Variants in TEX261 observed in about 807,000 individuals in gnomAD.
The protein encoded by TEX261 is protein TEX261.
TEX261 carries 13 observed loss-of-function variants against 25.1 expected under a neutral mutation model. That is an observed-to-expected ratio of 0.52 (90% confidence interval 0.34 to 0.82). The LOEUF (loss-of-function observed/expected upper bound fraction) is 0.82, where lower values mean the gene tolerates loss of function less well. Ranked by LOEUF, TEX261 falls within the 40% of genes least tolerant of loss-of-function variation. TEX261 has a pLI of 0.02. For synonymous variants in TEX261, 92 were observed against 97.8 expected (o/e 0.94, Z 0.35); for missense variants, 206 against 243.2 (o/e 0.85, Z 1.02).
At chr2:70,994,361 G>A in intron 1 of TEX261, 1 of 468,400 alleles carries the variant, frequency 2.1e-6, no homozygotes, top group Non-Finnish European at 3.8e-6. Flanking sequence ...GCGGCGGTAG[G>A]CGTTGGGGAA....
intron 4 of TEX261, 137 bp from the exon 5 acceptor site, chr2:70,989,154 G>A: frequency 1.4e-6 from 1 of 709,836 alleles, no homozygotes; most frequent in Non-Finnish European, 2.5e-6. Flanking sequence ...GGGAAGCAGG[G>A]AACGCCACCC....
At chr2:70,990,627 T>C (rs4852736) in intron 3 of TEX261, among the ~76,000 whole-genome samples, 60,192 of 152,016 alleles carry the variant, frequency 0.4, 13,655 homozygotes, top group African/African-American at 0.62. Flanking sequence ...ACAGCAATTC[T>C]CATGTCTCCT....
chr2:70,986,840 C>A lies in TEX261; in HGVS notation c.*1760G>T, dbSNP rs1670195689. 6.6e-6 allele frequency: 1 copy of A among 152,044 alleles called. No individual in the cohort carries two copies. Among genetic ancestry groups the A allele is most frequent in the African/African-American group, 2.4e-5 (1 of 41,350 alleles). 9.4% of individuals were successfully genotyped at this position (152,044 alleles called of 1,614,324 possible). The stretch of plus-strand genomic sequence containing the variant: ...AGATGGATGGGCTTCCCTAGGGAGC[C>A]CACAGCAGAACCCTGAAAGACCCTA... On this transcript the variant is annotated 3_prime_UTR_variant, in exon 6 of 6. Coordinates refer to ENST00000272438, the MANE Select transcript of TEX261 (RefSeq NM_144582.3).
At chr2:70,989,120 G>A in intron 4 of TEX261, 103 bp from the exon 5 acceptor site, 1 of 942,904 alleles carries the variant, frequency 1.1e-6, no homozygotes, top group Non-Finnish European at 1.7e-6. Context: ...GGCCACACCT[G>A]ATCTCCAAAG....
intron 3 of TEX261, among the ~76,000 whole-genome samples, chr2:70,990,629 A>C (rs1670284359): frequency 6.6e-6 from 1 of 152,134 alleles, no homozygotes. Context: ...AGCAATTCTC[A>C]TGTCTCCTTT....
At chr2:70,993,930 G>A (rs782670055) in intron 1 of TEX261, among the ~76,000 whole-genome samples, 155 bp from the exon 2 acceptor site, 7 of 152,168 alleles carry the variant, frequency 4.6e-5, no homozygotes, top group Non-Finnish European at 7.4e-5. Flanking sequence ...CAAGTCTGGA[G>A]AAGTAAAACT....
chr2:70,987,552 G>T lies in TEX261; in HGVS notation c.*1048C>A, dbSNP rs1160441275. 6.6e-6 allele frequency: 1 copy of T among 152,612 alleles called. No homozygotes were observed. The highest frequency in any genetic ancestry group is 1.5e-5 in the Non-Finnish European group (1 of 68,042). The allele number at this position is 152,612 out of a possible 1,614,324, so 9.5% of individuals were successfully genotyped here. A position where few individuals can be genotyped will look rare whatever the true frequency, so the allele number is the denominator to read the frequency against. On this transcript the variant is annotated 3_prime_UTR_variant, in exon 6 of 6. Coordinates refer to ENST00000272438, the MANE Select transcript of TEX261 (RefSeq NM_144582.3). Reference sequence around the variant, plus strand: ...TTGGAGTGCAAGGTCAACAAATGCAGGTCTGTGCCCAAGACCTGGCCTGCC... The same window carrying T: ...TTGGAGTGCAAGGTCAACAAATGCATGTCTGTGCCCAAGACCTGGCCTGCC...
intron 2 of TEX261, among the ~76,000 whole-genome samples, chr2:70,993,068 C>G (rs13429399): frequency 0.037 from 5,676 of 152,148 alleles, 137 homozygotes; most frequent in Non-Finnish European, 0.056. Flanking sequence ...CCAGAGTGCA[C>G]ATGGCTGCTG....
rs1419506554 is a variant in TEX261 at position 70,986,121 on chromosome 2, G to C, written c.*2479C>G. The C allele has an allele frequency of 6.6e-6, 1 of 152,302 alleles. No homozygotes were observed. The highest frequency in any genetic ancestry group is 2.1e-4 in the South Asian group (1 of 4,818). 9.4% of individuals were successfully genotyped at this position (152,302 alleles called of 1,614,324 possible). ...TGTGTAGTATGCCAGGGTGGGGGTC[G>C]GGAGGAGAGAGTATAGCCAAAGCTC... On this transcript the variant is annotated 3_prime_UTR_variant, in exon 6 of 6. Coordinates refer to ENST00000272438, the MANE Select transcript of TEX261 (RefSeq NM_144582.3).
Position 70,988,974 on chromosome 2 carries a change from G to A in TEX261, c.416C>T (p.Ala139Val), listed in dbSNP as rs140118400. 13 of 1,613,964 alleles carry A rather than the reference G, an allele frequency of 8.1e-6. No homozygotes were observed. Among genetic ancestry groups the A allele is most frequent in the South Asian group, 5.5e-5 (5 of 91,054 alleles). The change falls in exon 5 of 6, where the codon GCG (alanine) becomes GTG (valine). Residue 139 changes from alanine (A) to valine (V), a missense_variant. Ala to Val is a moderately conservative substitution (Grantham distance 64). Transcript: ENST00000272438. Reference sequence around the variant, plus strand: ...CCCGGCCGAAAGTGACACAAAAAACGCAAACGGAATTATCCACAGGCAGAA... The same window carrying A: ...CCCGGCCGAAAGTGACACAAAAAACACAAACGGAATTATCCACAGGCAGAA... ...FTFCLWIIPF[A>V]FFVSLSAGEN...
chr2:70,994,818 GAC>G lies in TEX261; in HGVS notation c.-63_-62del. On this transcript the variant is annotated 5_prime_UTR_variant, in exon 1 of 6. Transcript: ENST00000272438. ...CGGGCCTGCGCGCTTCGGCTCCGGCGACACACAGCCGCCACCGCCGCCGCCGC... is the reference window on the plus strand; with the variant it reads ...CGGGCCTGCGCGCTTCGGCTCCGGCGACACAGCCGCCACCGCCGCCGCCGC... The G allele has an allele frequency of 1.5e-6, 2 of 1,361,726 alleles. No homozygotes were observed. Among genetic ancestry groups the G allele is most frequent in the East Asian group, 3.1e-5 (1 of 32,176 alleles). The allele number at this position is 1,361,726 out of a possible 1,614,324, so 84.4% of individuals were successfully genotyped here. A position where few individuals can be genotyped will look rare whatever the true frequency, so the allele number is the denominator to read the frequency against.
Position 70,988,680 on chromosome 2 carries a change from GCTTGC to G in TEX261, c.506_510del (p.Gly169AlafsTer86). Reference sequence around the variant, plus strand: ...ACCAGGATCCCTAAGCGTTTGCCCCGCTTGCCTTTGGTGAAATAATTGGAGACGAC... The same window carrying G: ...ACCAGGATCCCTAAGCGTTTGCCCCGCTTTGGTGAAATAATTGGAGACGAC... On this transcript the variant is annotated frameshift_variant, in exon 6 of 6. Transcript: ENST00000272438. LOFTEE classifies it high-confidence loss of function. 1 of 1,614,176 alleles carries G rather than the reference GCTTGC, an allele frequency of 6.2e-7. No homozygotes were observed. The highest frequency in any genetic ancestry group is 8.5e-7 in the Non-Finnish European group (1 of 1,180,014).
rs564496936 is a variant in TEX261, at chr2:70,988,038, G to A, written c.*562C>T. On this transcript the variant is annotated 3_prime_UTR_variant, in exon 6 of 6. Coordinates refer to ENST00000272438, the MANE Select transcript of TEX261 (RefSeq NM_144582.3). ...CAAACCCAGAAAAGGAGTCCCTGGA[G>A]CAGAAAAGTGAGTCCAGTCCAGAGC... 4.4e-4 allele frequency: 68 copies of A among 155,356 alleles called. 1 individual carries two copies. The highest frequency in any genetic ancestry group is 6.7e-3 in the Middle Eastern group (2 of 298). 9.6% of individuals were successfully genotyped at this position (155,356 alleles called of 1,614,324 possible).
rs1243456686 is a variant in TEX261, at chr2:70,986,733, G to C, written c.*1867C>G. On this transcript the variant is annotated 3_prime_UTR_variant, in exon 6 of 6. Transcript: ENST00000272438. ...GAATTGTCTGTGCACCTAGAGGGCA[G>C]CAAAACTGTGGTTCAGGTGATCAGG... 6.6e-6 allele frequency: 1 copy of C among 152,654 alleles called. No homozygotes were observed. The highest frequency in any genetic ancestry group is 1.5e-5 in the Non-Finnish European group (1 of 68,088). 9.5% of individuals were successfully genotyped at this position (152,654 alleles called of 1,614,324 possible). A position where few individuals can be genotyped will look rare whatever the true frequency, so the allele number is the denominator to read the frequency against.
intron 2 of TEX261, among the ~76,000 whole-genome samples, chr2:70,992,592 G>A (rs1475276552): frequency 1.3e-5 from 2 of 152,080 alleles, no homozygotes; most frequent in Non-Finnish European, 2.9e-5. Flanking sequence ...AGCCAGGCAT[G>A]GTGGCACATG....
chr2:70,994,817 C>T lies in TEX261; in HGVS notation c.-60G>A. The stretch of plus-strand genomic sequence containing the variant: ...ACGGGCCTGCGCGCTTCGGCTCCGG[C>T]GACACACAGCCGCCACCGCCGCCGC... On this transcript the variant is annotated 5_prime_UTR_variant, in exon 1 of 6. Transcript: ENST00000272438. The T allele has an allele frequency of 1.5e-6, 2 of 1,361,136 alleles. No homozygotes were observed. Among genetic ancestry groups the T allele is most frequent in the South Asian group, 3.8e-5 (2 of 52,648 alleles). 84.3% of individuals were successfully genotyped at this position (1,361,136 alleles called of 1,614,324 possible).
In TEX261 at chr2:70,993,737, ATTC is replaced by A. The variant is rs1553425893; in HGVS notation, c.106_108del (p.Glu36del). Reference sequence around the variant, plus strand: ...ATGATCCTGCTGGTGGCCACTGTGTATTCTTCTATCAGTTCTGCCAGGTAATAG... The same window carrying A: ...ATGATCCTGCTGGTGGCCACTGTGTATTCTATCAGTTCTGCCAGGTAATAG... On this transcript the variant is annotated inframe_deletion, in exon 2 of 6. Coordinates refer to ENST00000272438, the MANE Select transcript of TEX261 (RefSeq NM_144582.3). 6.2e-7 allele frequency: 1 copy of A among 1,613,450 alleles called. No homozygotes were observed. Among genetic ancestry groups the A allele is most frequent in the Non-Finnish European group, 8.5e-7 (1 of 1,180,008 alleles).
intron 3 of TEX261, 142 bp from the exon 4 acceptor site, chr2:70,989,958 T>G: frequency 1.6e-6 from 1 of 645,102 alleles, no homozygotes; most frequent in Non-Finnish European, 2.8e-6. Context: ...GGCTACTGCC[T>G]AGAACCGTTT....
Position 70,989,841 on chromosome 2 carries a change from C to A in TEX261, c.305-25G>T. On this transcript the variant is annotated intron_variant, in intron 3 of 5. Transcript: ENST00000272438. ...CCTGTTGAGGGAATGAAGAGTCAGT[C>A]AGTTTAAGGGGAATAACAGAAAGCT... The A allele has an allele frequency of 1.9e-6, 3 of 1,562,608 alleles. No homozygotes were observed. In the South Asian group the frequency reaches 3.3e-5, roughly 17 times the overall value.
Sources: allele counts gnomAD v4.1 joint callset (sites outside exome capture counted in the v4.1 genomes callset), GRCh38; gene constraint gnomAD v4.1.1; transcripts MANE v1.5; gene names NCBI Gene and HGNC (gene_info 2026-07-23, HGNC 2026-07-21).